The following ANKRD28 variants were observed in gnomAD, a reference collection of about 807,000 sequenced individuals.
ANKRD28 encodes serine/threonine-protein phosphatase 6 regulatory ankyrin repeat subunit A.
In ANKRD28, 44 loss-of-function variants were observed where a neutral mutation model predicts 126.5. The observed-to-expected ratio is 0.35, with a 90% CI of 0.27 to 0.45. ANKRD28 has a LOEUF of 0.45. Among genes scored for constraint, ANKRD28 ranks in the 20% least tolerant of loss-of-function variants. The pLI is 1.00. For synonymous variants in ANKRD28, 442 were observed against 468.5 expected, an observed-to-expected ratio of 0.94 and a Z score of 0.73; for missense variants, 1,110 against 1,316.6, an observed-to-expected ratio of 0.84 and a Z score of 2.43.
intron 4 of ANKRD28, among the ~76,000 whole-genome samples, chr3:15,745,396 G>T (rs1287996101): frequency 6.6e-6 from 1 of 152,124 alleles, no homozygotes; most frequent in Non-Finnish European, 1.5e-5. Context: ...TTTGTATAAG[G>T]TGAGAGATGA....
intron 1 of ANKRD28, among the ~76,000 whole-genome samples, chr3:15,804,245 T>C (rs955469456): frequency 7.0e-6 from 1 of 142,562 alleles, no homozygotes; most frequent in African/African-American, 2.6e-5. Flanking sequence ...AAAGACAGTA[T>C]ATACTGAAGG....
chr3:15,809,749 T>C (rs1559562699), intron 1 of ANKRD28, among the ~76,000 whole-genome samples: 1 of 151,886 alleles, frequency 6.6e-6, no homozygotes, highest in Non-Finnish European at 1.5e-5. Flanking sequence ...TGATTAACAA[T>C]TATCTACACC....
chr3:15,722,232 T>C (rs901975508), intron 7 of ANKRD28, among the ~76,000 whole-genome samples: 1 of 152,168 alleles, frequency 6.6e-6, no homozygotes, highest in Non-Finnish European at 1.5e-5. Context: ...ATCATGTATT[T>C]GGAGACTGAA....
intron 4 of ANKRD28, among the ~76,000 whole-genome samples, chr3:15,751,381 A>G (rs1390926927): frequency 1.3e-5 from 2 of 152,198 alleles, no homozygotes; most frequent in African/African-American, 4.8e-5. Context: ...GTAACATTTC[A>G]ATTAATTATT....
In ANKRD28 at chr3:15,844,956, GAAACTT is replaced by G. The variant is rs2061499497; in HGVS notation, c.27+14415_27+14420del. On this transcript the variant is annotated intron_variant, in intron 1 of 27. Coordinates refer to the ANKRD28 transcript ENST00000399451. ...GTTTCTGCTTCTGGGGAAGCCTCAGGAAACTTATAATCATGGCAGAAGGCAAAGGAG... is the reference window on the plus strand; with the variant it reads ...GTTTCTGCTTCTGGGGAAGCCTCAGGATAATCATGGCAGAAGGCAAAGGAG... Among the ~76,000 whole-genome samples the G allele has an allele frequency of 2.0e-5, 3 of 152,158 alleles. No homozygotes were observed. In the South Asian group the frequency reaches 6.2e-4, roughly 32 times the overall value.
intron 6 of ANKRD28, chr3:15,732,233 G>C (rs2074686684): frequency 6.6e-6 from 1 of 152,298 alleles, no homozygotes; most frequent in Non-Finnish European, 1.5e-5. Context: ...TCCACAGTCT[G>C]AAAGGGGAGG....
rs1005799981 is a variant in ANKRD28 at position 15,681,258 on chromosome 3, C to CA, written c.2390-1696dup. 1.1e-4 allele frequency among the ~76,000 whole-genome samples: 16 copies of CA among 150,490 alleles called. No individual in the cohort carries two copies. The East Asian group carries it at 1.4e-3, about 13-fold the overall frequency. On this transcript the variant is annotated intron_variant, in intron 21 of 27. Transcript: ENST00000683139. ...TGTTGTATTGTTTAGGGAATAATGA[C>CA]AAAAAAAAAGTCTGTACATGTTCAG...
chr3:15,721,309 T>G (rs536592191), intron 7 of ANKRD28, among the ~76,000 whole-genome samples, 182 bp from the exon 8 acceptor site: 21 of 152,348 alleles, frequency 1.4e-4, no homozygotes, highest in African/African-American at 4.6e-4. Context: ...TTGACAAGCA[T>G]TTTGGTATTA....
At chr3:15,732,589 T>C in intron 6 of ANKRD28, 1 of 152,340 alleles carries the variant, frequency 6.6e-6, no homozygotes, top group South Asian at 2.1e-4. Flanking sequence ...CAACAGATCC[T>C]TCAGCAAAGG....
chr3:15,732,024 T>A (rs1420872192), intron 6 of ANKRD28: 1 of 152,166 alleles, frequency 6.6e-6, no homozygotes, highest in Admixed American at 6.6e-5. Flanking sequence ...GTCTCTACAG[T>A]TTCCTAGTCA....
At chr3:15,674,408 T>A (rs1449072988) in intron 27 of ANKRD28, among the ~76,000 whole-genome samples, 1 of 151,916 alleles carries the variant, frequency 6.6e-6, no homozygotes. Flanking sequence ...CTGTTAAGAA[T>A]GAGAATTGTC....
chr3:15,769,746 T>C (rs764891397), intron 2 of ANKRD28, among the ~76,000 whole-genome samples: 4 of 152,190 alleles, frequency 2.6e-5, no homozygotes, highest in Non-Finnish European at 5.9e-5. Flanking sequence ...GTAAGCTGTG[T>C]TTGTTACCAC....
intron 4 of ANKRD28, among the ~76,000 whole-genome samples, chr3:15,740,736 T>C (rs2075392967): frequency 6.6e-6 from 1 of 152,216 alleles, no homozygotes; most frequent in Non-Finnish European, 1.5e-5. Context: ...GGAAAATCAA[T>C]TCTACTTTTT....
intron 2 of ANKRD28, among the ~76,000 whole-genome samples, chr3:15,791,403 T>C (rs1191433993): frequency 6.6e-6 from 1 of 151,386 alleles, no homozygotes; most frequent in Non-Finnish European, 1.5e-5. Context: ...CATGGTACTG[T>C]CACAAAAACA....
Position 15,678,362 on chromosome 3 carries a change from A to G in ANKRD28, c.2562-8T>C. The stretch of plus-strand genomic sequence containing the variant: ...GCTGCATGGAGAGGAGTTCTGTGAT[A>G]AAGAAAAATTGAAATATATGACTAA... On this transcript the variant is annotated splice_region_variant and splice_polypyrimidine_tract_variant and intron_variant, in intron 23 of 27. Transcript: ENST00000683139. The G allele has an allele frequency of 6.3e-7, 1 of 1,584,710 alleles. No individual in the cohort carries two copies. The highest frequency in any genetic ancestry group is 8.5e-7 in the Non-Finnish European group (1 of 1,170,930).
At chr3:15,759,051 T>G (rs1161718132) in intron 3 of ANKRD28, among the ~76,000 whole-genome samples, 1 of 152,132 alleles carries the variant, frequency 6.6e-6, no homozygotes, top group Non-Finnish European at 1.5e-5. Flanking sequence ...AAACAAAATA[T>G]CTATACCTCA....
intron 1 of ANKRD28, among the ~76,000 whole-genome samples, chr3:15,850,220 T>TAGAGAGAG (rs1274116099): frequency 1.4e-4 from 7 of 49,350 alleles, no homozygotes; most frequent in African/African-American, 2.3e-4. Flanking sequence ...TATATATATA[T>TAGAGAGAG]ATATAGAGAG....
intron 21 of ANKRD28, chr3:15,683,917 A>G (rs2067812418): frequency 6.6e-6 from 1 of 152,194 alleles, no homozygotes; most frequent in African/African-American, 2.4e-5. Flanking sequence ...TACAACAGAT[A>G]TTATACTTAT....
chr3:15,678,757 C>T (rs189587777), intron 23 of ANKRD28, among the ~76,000 whole-genome samples: 2 of 151,610 alleles, frequency 1.3e-5, no homozygotes, highest in Admixed American at 6.6e-5. Context: ...GAAACAAATT[C>T]GAAAGAGAGG....
Sources: allele counts gnomAD v4.1 joint callset (sites outside exome capture counted in the v4.1 genomes callset), GRCh38; gene constraint gnomAD v4.1.1; transcripts MANE v1.5; gene names NCBI Gene and HGNC (gene_info 2026-07-23, HGNC 2026-07-21).